KLRD1: variants seen among roughly 807,000 people sequenced by gnomAD.
KLRD1 encodes the protein natural killer cells antigen CD94.
In KLRD1, 21 loss-of-function variants were observed where a neutral mutation model predicts 22.6. That is an observed-to-expected ratio of 0.93 (90% CI 0.66 to 1.34). The LOEUF is 1.34. Among genes scored for constraint, KLRD1 ranks in the 40% most tolerant of loss-of-function variants. The pLI is 0.00. For synonymous variants in KLRD1, 59 were observed against 71.1 expected (o/e 0.83, Z 0.85); for missense variants, 183 against 208.6 (o/e 0.88, Z 0.76).
At position 10,324,843 on chromosome 12, in the gene KLRD1, T is replaced by TATATATATATATATATATATA. The variant is rs60673819; in HGVS notation, c.*10050_*10051insATATATATATATATATATATA. The TATATATATATATATATATATA allele has an allele frequency of 1.1e-3, 162 of 141,736 alleles. No individual in the cohort carries two copies. Among genetic ancestry groups the TATATATATATATATATATATA allele is most frequent in the South Asian group, 1.8e-3 (8 of 4,460 alleles). 8.8% of individuals were successfully genotyped at this position (141,736 alleles called of 1,614,324 possible). A position where few individuals can be genotyped will look rare whatever the true frequency, so the allele number is the denominator to read the frequency against. On this transcript the variant is annotated 3_prime_UTR_variant, in exon 6 of 6. Transcript: ENST00000336164. ...GTATATATATATATATATATATATA[T>TATATATATATATATATATATA]TCATTTACACAGTTGATTCTAAGTG...
chr12:10,298,563 C>T (rs905693961), intron 1 of KLRD1, among the ~76,000 whole-genome samples: 2 of 152,224 alleles, frequency 1.3e-5, no homozygotes, highest in South Asian at 4.1e-4. Flanking sequence ...GTGACATGCT[C>T]GTGATGGCCT....
At chr12:10,305,460 C>G (rs117084179), upstream of KLRD1, among the ~76,000 whole-genome samples, 1,479 of 152,222 alleles carry the variant, frequency 9.7e-3, 9 homozygotes, top group Non-Finnish European at 0.014. Context: ...GAAAGTGGAA[C>G]GCAATAAAGG....
chr12:10,258,487 C>T (rs1949420126), intron 1 of KLRD1, among the ~76,000 whole-genome samples: 1 of 152,094 alleles, frequency 6.6e-6, no homozygotes, highest in Non-Finnish European at 1.5e-5. Context: ...GGGAATTCAA[C>T]CAAAGTAGAA....
At chr12:10,312,493 C>G (rs2137711296) in intron 4 of KLRD1, among the ~76,000 whole-genome samples, 1 of 151,954 alleles carries the variant, frequency 6.6e-6, no homozygotes, top group Non-Finnish European at 1.5e-5. Flanking sequence ...ATTCTCCTGC[C>G]TCAGCCTCCC....
chr12:10,303,485 CA>C (rs1565465316), upstream of KLRD1, among the ~76,000 whole-genome samples: 1 of 152,076 alleles, frequency 6.6e-6, no homozygotes, highest in Non-Finnish European at 1.5e-5. Context: ...GAGAGTCCTT[CA>C]GGGGAGAAAT....
At chr12:10,251,798 G>T (rs957548125) in intron 1 of KLRD1, among the ~76,000 whole-genome samples, 1 of 152,024 alleles carries the variant, frequency 6.6e-6, no homozygotes, top group African/African-American at 2.4e-5. Flanking sequence ...TCACAACAGG[G>T]TTTGTGCTCC....
At chr12:10,261,574 C>G (rs1244660165) in intron 1 of KLRD1, among the ~76,000 whole-genome samples, 1 of 152,090 alleles carries the variant, frequency 6.6e-6, no homozygotes, top group Non-Finnish European at 1.5e-5. Context: ...CGTAAATCTG[C>G]TTGTATAAGC....
chr12:10,255,094 TAGATG>T (rs1949382901), intron 1 of KLRD1, among the ~76,000 whole-genome samples: 2 of 132,242 alleles, frequency 1.5e-5, no homozygotes. Flanking sequence ...CAAAAAATAA[TAGATG>T]CTGGTGAGGA....
chr12:10,304,748 C>T (rs1441896698), upstream of KLRD1, among the ~76,000 whole-genome samples: 1 of 152,088 alleles, frequency 6.6e-6, no homozygotes, highest in African/African-American at 2.4e-5. Context: ...CAATTTTAGA[C>T]AATCTAATAC....
At chr12:10,260,401 G>T (rs1345766967) in intron 1 of KLRD1, among the ~76,000 whole-genome samples, 1 of 151,604 alleles carries the variant, frequency 6.6e-6, no homozygotes, top group Non-Finnish European at 1.5e-5. Context: ...TCACCCTGCT[G>T]GAGTTCATAA....
chr12:10,256,723 T>C (rs1949399863), intron 1 of KLRD1, among the ~76,000 whole-genome samples: 1 of 151,994 alleles, frequency 6.6e-6, no homozygotes, highest in African/African-American at 2.4e-5. Flanking sequence ...AAATAAAAAG[T>C]GAAATTACAC....
chr12:10,282,257 CA>C lies in KLRD1; in HGVS notation c.-100-25720del, dbSNP rs1280568431. On this transcript the variant is annotated intron_variant, in intron 1 of 5. Transcript: ENST00000544747. ...AAACATATACACATATGTATACATACATTTTTTTTTTTTTTTGAGACTGAGT... is the reference window on the plus strand; with the variant it reads ...AAACATATACACATATGTATACATACTTTTTTTTTTTTTTTGAGACTGAGT... 6.0e-5 allele frequency among the ~76,000 whole-genome samples: 9 copies of C among 151,202 alleles called. No individual in the cohort carries two copies. The South Asian group carries it at 6.3e-4, about 11-fold the overall frequency.
At chr12:10,278,923 T>C (rs1339098906) in intron 1 of KLRD1, among the ~76,000 whole-genome samples, 1 of 151,968 alleles carries the variant, frequency 6.6e-6, no homozygotes, top group Non-Finnish European at 1.5e-5. Flanking sequence ...CTCAGATATG[T>C]ATGCTATTTT....
At chr12:10,286,486 ACTC>A (rs138476848) in intron 1 of KLRD1, among the ~76,000 whole-genome samples, 2,381 of 152,216 alleles carry the variant, frequency 0.016, 52 homozygotes, top group African/African-American at 0.054. Context: ...TATGTAACCT[ACTC>A]AAGTTTACGA....
At chr12:10,302,600 A>G (rs1232726183), upstream of KLRD1, among the ~76,000 whole-genome samples, 1 of 152,002 alleles carries the variant, frequency 6.6e-6, no homozygotes, top group Admixed American at 6.6e-5. Context: ...TTTTATGGAC[A>G]ATTTGGTGGG....
chr12:10,246,735 T>C (rs924030871), intron 1 of KLRD1, among the ~76,000 whole-genome samples: 15 of 152,146 alleles, frequency 9.9e-5, no homozygotes, highest in African/African-American at 3.6e-4. Context: ...AAATAATTTT[T>C]GTTTTTTAGG....
chr12:10,254,441 A>AC (rs1312019456), intron 1 of KLRD1, among the ~76,000 whole-genome samples: 26 of 151,490 alleles, frequency 1.7e-4, no homozygotes, highest in Non-Finnish European at 5.9e-5. Flanking sequence ...CAAAAAAAAA[A>AC]AAAAAAAAAA....
intron 1 of KLRD1, among the ~76,000 whole-genome samples, chr12:10,294,413 T>C (rs983649108): frequency 6.6e-6 from 1 of 152,224 alleles, no homozygotes; most frequent in East Asian, 1.9e-4. Flanking sequence ...TTGTTCGTTT[T>C]TTTGAGAAGG....
At chr12:10,311,147 C>T (rs552147010) in intron 3 of KLRD1, among the ~76,000 whole-genome samples, 94 of 152,032 alleles carry the variant, frequency 6.2e-4, no homozygotes, top group Non-Finnish European at 1.1e-3. Context: ...TGTAACTGCC[C>T]CTCATCTTAC....
Sources: gnomAD v4.1 joint callset for allele counts (sites outside exome capture counted in the v4.1 genomes callset) on GRCh38, gnomAD v4.1.1 for gene constraint, MANE v1.5 for transcripts, NCBI Gene and HGNC (gene_info 2026-07-23, HGNC 2026-07-21) for gene names.